The following SPECC1 variants were observed in gnomAD, a reference collection of about 807,000 sequenced individuals.
SPECC1 encodes cytospin-B.
Under a neutral mutation model 104.1 loss-of-function variants are expected in SPECC1, and 62 were observed. The ratio of observed to expected loss-of-function variants is 0.60; its 90% CI spans 0.49 to 0.74. The LOEUF (loss-of-function observed/expected upper bound fraction) is 0.74. Among genes scored for constraint, SPECC1 ranks in the 30% least tolerant of loss-of-function variants. SPECC1 has a pLI of 0.00. For synonymous variants in SPECC1, 513 were observed against 501.6 expected (o/e 1.02, Z -0.30); for missense variants, 1,306 against 1,310.5 (o/e 1.00, Z 0.05).
At chr17:20,103,689 T>G (rs952942204) in intron 2 of SPECC1, among the ~76,000 whole-genome samples, 1 of 152,058 alleles carries the variant, frequency 6.6e-6, no homozygotes, top group South Asian at 2.1e-4. Context: ...TGCTGCAGTC[T>G]CCCTAGGAGC....
At chr17:20,025,136 G>T (rs886921709) in intron 1 of SPECC1, among the ~76,000 whole-genome samples, 7 of 152,108 alleles carry the variant, frequency 4.6e-5, no homozygotes, top group African/African-American at 1.7e-4. Context: ...TCAAAATTTG[G>T]ACATGGGCAC....
chr17:20,237,149 G>A, intron 7 of SPECC1: 3 of 1,357,298 alleles, frequency 2.2e-6, no homozygotes, highest in South Asian at 3.2e-5. Flanking sequence ...CTTTTATTTG[G>A]AGAATAAAAT....
chr17:20,097,103 G>A (rs771531999), intron 2 of SPECC1, among the ~76,000 whole-genome samples: 25 of 152,176 alleles, frequency 1.6e-4, no homozygotes, highest in Non-Finnish European at 4.4e-5. Context: ...AGGGGTCGAG[G>A]TCATGCACGA....
chr17:20,287,854 G>A (rs577822692), intron 12 of SPECC1, among the ~76,000 whole-genome samples: 4 of 151,824 alleles, frequency 2.6e-5, no homozygotes, highest in African/African-American at 7.2e-5. Flanking sequence ...GTGCAGGTTT[G>A]TTACATAGGT....
chr17:20,156,318 G>C (rs1388101459), intron 3 of SPECC1: 66 of 1,292,818 alleles, frequency 5.1e-5, no homozygotes, highest in Admixed American at 1.7e-4. Flanking sequence ...CCTCCGGCTC[G>C]CGGCGCCGAC....
chr17:20,205,539 A>G lies in SPECC1; in HGVS notation c.1490A>G (p.Lys497Arg). ...CAGCAGTTGACCTGTAGCTTGCGGA[A>G]GGTTGAGGAAGAAAACCAAGGAGCT... is the stretch of plus-strand genomic sequence containing the variant. ...IQQQLTCSLR[K>R]VEEENQGALE... Residue 497 changes from lysine (K) to arginine (R), a missense_variant, in exon 4 of 15, where the codon AAG (lysine) becomes AGG (arginine). Transcript: ENST00000395527. 1 of 1,614,168 alleles carries G rather than the reference A, an allele frequency of 6.2e-7. No homozygotes were observed. Among genetic ancestry groups the G allele is most frequent in the Non-Finnish European group, 8.5e-7 (1 of 1,180,022 alleles).
In SPECC1 at chr17:20,205,252, G is replaced by T. The variant is rs780767178; in HGVS notation, c.1203G>T (p.Gln401His). 6.2e-7 allele frequency: 1 copy of T among 1,614,050 alleles called. No individual in the cohort carries two copies. The highest frequency in any genetic ancestry group is 8.5e-7 in the Non-Finnish European group (1 of 1,180,060). The change falls in exon 4 of 15, where the codon CAG (glutamine) becomes CAT (histidine). Residue 401 changes from glutamine (Q) to histidine (H), a missense_variant. This residue lies in a region of SPECC1 where 1,177 missense variants were observed against 1,139.9 expected (regional missense o/e 1.03). Coordinates refer to ENST00000395527, the MANE Select transcript of SPECC1 (RefSeq NM_001243439.2). ...LQATLQELSDQQQMVQELTAE... is the reference protein window; with the variant it reads ...LQATLQELSDHQQMVQELTAE... ...CTACTCTACAAGAATTATCAGACCAGCAACAAATGGTACAGGAATTGACAG... is the reference window on the plus strand; with the variant it reads ...CTACTCTACAAGAATTATCAGACCATCAACAAATGGTACAGGAATTGACAG...
chr17:20,218,898 TA>T (rs1348985089), intron 4 of SPECC1, among the ~76,000 whole-genome samples: 2 of 152,372 alleles, frequency 1.3e-5, no homozygotes, highest in East Asian at 3.9e-4. Context: ...AGTGAGAATA[TA>T]TGAATTTATC....
intron 3 of SPECC1, among the ~76,000 whole-genome samples, chr17:20,125,827 G>T (rs1455898541): frequency 6.6e-6 from 1 of 152,208 alleles, no homozygotes; most frequent in African/African-American, 2.4e-5. Flanking sequence ...ACCCAGTTGT[G>T]AGGATGTTAT....
At chr17:20,019,390 T>C (rs2044283075) in intron 1 of SPECC1, among the ~76,000 whole-genome samples, 1 of 152,054 alleles carries the variant, frequency 6.6e-6, no homozygotes, top group East Asian at 1.9e-4. Flanking sequence ...GTCATGAATT[T>C]TTTTGCCTTC....
chr17:20,220,143 G>C (rs1282049096), intron 4 of SPECC1, among the ~76,000 whole-genome samples: 1 of 151,968 alleles, frequency 6.6e-6, no homozygotes, highest in African/African-American at 2.4e-5. Flanking sequence ...TGCTCAGGAT[G>C]GCTTTGGCTA....
intron 1 of SPECC1, among the ~76,000 whole-genome samples, chr17:20,080,781 G>A (rs2046939407): frequency 2.6e-5 from 4 of 152,186 alleles, no homozygotes; most frequent in Middle Eastern, 3.4e-3. Flanking sequence ...ACAAGAAGGC[G>A]GTACAGCAGC....
chr17:20,174,326 T>C (rs1490028038), intron 3 of SPECC1, among the ~76,000 whole-genome samples: 1 of 152,186 alleles, frequency 6.6e-6, no homozygotes, highest in Non-Finnish European at 1.5e-5. Context: ...AAAATAAATT[T>C]TAAAAATTAA....
rs2042028408 is a variant in SPECC1 at position 20,315,463 on chromosome 17, G to A, written c.*1398G>A. 2 of 232,848 alleles carry A rather than the reference G, an allele frequency of 8.6e-6. No homozygotes were observed. The highest frequency in any genetic ancestry group is 1.7e-5 in the Non-Finnish European group (2 of 117,812). 14.4% of individuals were successfully genotyped at this position (232,848 alleles called of 1,614,324 possible). On this transcript the variant is annotated 3_prime_UTR_variant, in exon 15 of 15. Transcript: ENST00000395527. ...TCTGTGTGCACTACACAGCGAGTGA[G>A]GGCGTGGCTCACACAGTTGTTTGAG...
intron 3 of SPECC1, among the ~76,000 whole-genome samples, chr17:20,165,023 T>C (rs1004687489): frequency 6.6e-6 from 1 of 152,182 alleles, no homozygotes; most frequent in African/African-American, 2.4e-5. Context: ...ATTAATTTTA[T>C]TTTAAGTTAA....
chr17:20,073,523 G>T (rs1238965634), intron 1 of SPECC1: 1 of 152,288 alleles, frequency 6.6e-6, no homozygotes, highest in Non-Finnish European at 1.5e-5. Context: ...GAGGCCATCA[G>T]AACTTGGGGA....
At chr17:20,119,497 G>T (rs948074447) in intron 3 of SPECC1, among the ~76,000 whole-genome samples, 3 of 152,246 alleles carry the variant, frequency 2.0e-5, no homozygotes, top group Admixed American at 6.5e-5. Context: ...CTCCCAAAGT[G>T]CTGGGATTAC....
Position 20,317,356 on chromosome 17 carries a change from G to A in SPECC1, c.*3291G>A, listed in dbSNP as rs533920034. ...GCTTATTACAACTTCCGCCTCCCAG[G>A]TTCAAGAGATTCTCCTGCCTTAGCC... On this transcript the variant is annotated 3_prime_UTR_variant, in exon 15 of 15. Coordinates refer to ENST00000395527, the MANE Select transcript of SPECC1 (RefSeq NM_001243439.2). 3.9e-5 allele frequency: 6 copies of A among 152,174 alleles called. No individual in the cohort carries two copies. Among genetic ancestry groups the A allele is most frequent in the Non-Finnish European group, 8.1e-5 (6 of 74,224 alleles). 9.4% of individuals were successfully genotyped at this position (152,174 alleles called of 1,614,324 possible).
intron 3 of SPECC1, among the ~76,000 whole-genome samples, chr17:20,176,197 C>A (rs987131555): frequency 2.0e-5 from 3 of 152,122 alleles, no homozygotes; most frequent in Non-Finnish European, 2.9e-5. Flanking sequence ...TTAGGGAGTT[C>A]TTTGAACAAA....
Sources: allele counts gnomAD v4.1 joint callset (sites outside exome capture counted in the v4.1 genomes callset), GRCh38; gene constraint gnomAD v4.1.1; regional missense constraint gnomAD v4.1.1; transcripts MANE v1.5; gene names NCBI Gene and HGNC (gene_info 2026-07-23, HGNC 2026-07-21).